The following MEP1B variants were observed in gnomAD, a reference collection of about 807,000 sequenced individuals.
MEP1B encodes the protein N-benzoyl-L-tyrosyl-P-amino-benzoic acid hydrolase subunit beta.
Under a neutral mutation model 84.6 loss-of-function variants are expected in MEP1B, and 80 were observed. The observed-to-expected ratio is 0.95, with a 90% CI of 0.79 to 1.14. The LOEUF is 1.14. MEP1B is among the 50% of genes most tolerant of loss of function. The probability of loss-of-function intolerance (pLI) is 0.00; values close to 1 mark genes in which losing one functional copy is unlikely to be tolerated. For synonymous variants in MEP1B, 273 were observed against 288.1 expected, an observed-to-expected ratio of 0.95 and a Z score of 0.53; for missense variants, 766 against 855.1, an observed-to-expected ratio of 0.90 and a Z score of 1.30.
rs1485615651 is a variant in MEP1B at position 32,202,968 on chromosome 18, G to A, written c.326G>A (p.Trp109Ter). The change falls in exon 6 of 15, where the codon TGG (tryptophan) becomes TAG (stop). Residue 109 changes from tryptophan (W) to a stop codon, truncating the protein, a stop_gained. Coordinates refer to ENST00000269202, the MANE Select transcript of MEP1B (RefSeq NM_005925.3). LOFTEE classifies it high-confidence loss of function. ...RLKTCIDFKP[W>*]AGETNYISVF... Reference sequence around the variant, plus strand: ...AAAACATGTATTGACTTTAAGCCTTGGGCTGGAGAAACAAACTATATATCA... The same window carrying A: ...AAAACATGTATTGACTTTAAGCCTTAGGCTGGAGAAACAAACTATATATCA... 1 of 1,612,318 alleles carries A rather than the reference G, an allele frequency of 6.2e-7. No individual in the cohort carries two copies. Among genetic ancestry groups the A allele is most frequent in the Admixed American group, 1.7e-5 (1 of 59,874 alleles).
chr18:32,191,475 T>C (rs900608771), intron 1 of MEP1B, among the ~76,000 whole-genome samples: 3 of 152,032 alleles, frequency 2.0e-5, no homozygotes, highest in Admixed American at 6.5e-5. Flanking sequence ...TTTTCAAACA[T>C]TGCTCCATGA....
chr18:32,218,322 T>C (rs2041115319), intron 14 of MEP1B, among the ~76,000 whole-genome samples: 1 of 152,156 alleles, frequency 6.6e-6, no homozygotes, highest in African/African-American at 2.4e-5. Flanking sequence ...CAAGTGTTTT[T>C]GTTCTAAAGG....
At chr18:32,207,126 CTG>C (rs2040973351) in intron 7 of MEP1B, 124 bp from the exon 8 acceptor site, 2 of 622,100 alleles carry the variant, frequency 3.2e-6, no homozygotes, top group Non-Finnish European at 5.7e-6. Flanking sequence ...AATAATGAAA[CTG>C]TTGTTAGTTG....
At chr18:32,212,181 C>A (rs934950077) in intron 10 of MEP1B, among the ~76,000 whole-genome samples, 1 of 151,490 alleles carries the variant, frequency 6.6e-6, no homozygotes, top group Non-Finnish European at 1.5e-5. Flanking sequence ...TTGTCCAGGA[C>A]TGGAAGGGGG....
rs1218827487 is a variant in MEP1B, at chr18:32,210,623, A to T, written c.1042A>T (p.Ser348Cys). ...FQCLQFYLYN[S>C]GSESDQLNIY... ...GTGCCTGCAATTTTACTTATATAAC[A>T]GTGGCAGTGAAAGTGATCAACTGAA... Residue 348 changes from serine (S) to cysteine (C), a missense_variant, in exon 10 of 15, where the codon AGT (serine) becomes TGT (cysteine). Transcript: ENST00000269202. 2.5e-6 allele frequency: 4 copies of T among 1,613,872 alleles called. No individual in the cohort carries two copies. Among genetic ancestry groups the T allele is most frequent in the Non-Finnish European group, 3.4e-6 (4 of 1,179,884 alleles).
chr18:32,210,381 T>C (rs544562119), intron 9 of MEP1B, 120 bp from the exon 10 acceptor site: 4 of 800,002 alleles, frequency 5.0e-6, no homozygotes, highest in Admixed American at 5.7e-5. Context: ...CATTTCTCCC[T>C]GGCGATTTAT....
chr18:32,213,726 G>C (rs1244470132), intron 11 of MEP1B, among the ~76,000 whole-genome samples, 167 bp downstream of exon 11: 2 of 152,166 alleles, frequency 1.3e-5, no homozygotes, highest in Non-Finnish European at 2.9e-5. Context: ...GACTGAGTCT[G>C]TCAGACAGGA....
chr18:32,210,658 C>G lies in MEP1B; in HGVS notation c.1077C>G (p.Ile359Met). The G allele has an allele frequency of 1.9e-6, 3 of 1,613,942 alleles. No individual in the cohort carries two copies. Among genetic ancestry groups the G allele is most frequent in the Non-Finnish European group, 2.5e-6 (3 of 1,179,866 alleles). Residue 359 changes from isoleucine (I) to methionine (M), a missense_variant, in exon 10 of 15, where the codon ATC becomes ATG. Transcript: ENST00000269202. Reference sequence around the variant, plus strand: ...AAAGTGATCAACTGAACATCTATATCAGGGAGTATTCTGCAGACAATGTGG... The same window carrying G: ...AAAGTGATCAACTGAACATCTATATGAGGGAGTATTCTGCAGACAATGTGG... ...GSESDQLNIY[I>M]REYSADNVDG...
chr18:32,220,307 G>A lies in MEP1B; in HGVS notation c.*62G>A, dbSNP rs926380388. ...AAAAGGATTCTTCATCATGGATTTC[G>A]CCTAAGTGATATTACAGCCACCTCA... On this transcript the variant is annotated 3_prime_UTR_variant, in exon 15 of 15. Coordinates refer to ENST00000269202, the MANE Select transcript of MEP1B (RefSeq NM_005925.3). 17 of 1,507,080 alleles carry A rather than the reference G, an allele frequency of 1.1e-5. No homozygotes were observed. Among genetic ancestry groups the A allele is most frequent in the African/African-American group, 1.4e-5 (1 of 72,692 alleles). The allele number at this position is 1,507,080 out of a possible 1,614,324, so 93.4% of individuals were successfully genotyped here.
intron 5 of MEP1B, among the ~76,000 whole-genome samples, chr18:32,199,966 T>C (rs546322914): frequency 6.6e-6 from 1 of 152,254 alleles, no homozygotes; most frequent in African/African-American, 2.4e-5. Context: ...AAAAAACTTA[T>C]TCTCCTAAGT....
chr18:32,210,845 T>C (rs2041019538), intron 10 of MEP1B, 129 bp downstream of exon 10: 2 of 733,122 alleles, frequency 2.7e-6, no homozygotes, highest in East Asian at 5.3e-5. Flanking sequence ...AGAACTAGAT[T>C]CTTGTTTTAA....
rs368810973 is a variant in MEP1B, at chr18:32,207,416, C to T, written c.712C>T (p.Arg238Ter). 6.0e-5 allele frequency: 97 copies of T among 1,613,100 alleles called. No homozygotes were observed. The highest frequency in any genetic ancestry group is 7.3e-5 in the Non-Finnish European group (86 of 1,179,612). The change falls in exon 8 of 15, where the codon CGA (arginine) becomes TGA (stop). Residue 238 changes from arginine (R) to a stop codon, truncating the protein, a stop_gained. Coordinates refer to ENST00000269202, the MANE Select transcript of MEP1B (RefSeq NM_005925.3). LOFTEE classifies it high-confidence loss of function. ...ISDFEDVIGQ[R>*]MDFSDSDLLK... ...AGACTTTGAGGATGTGATCGGCCAA[C>T]GAATGGATTTCAGTGACTCTGATCT... is the stretch of plus-strand genomic sequence containing the variant.
intron 4 of MEP1B, among the ~76,000 whole-genome samples, chr18:32,193,939 C>T (rs756074890): frequency 6.4e-4 from 97 of 152,102 alleles, no homozygotes; most frequent in Non-Finnish European, 1.2e-3. Flanking sequence ...CTGGTCTATC[C>T]AAGCACTAAT....
At chr18:32,202,814 G>A in intron 5 of MEP1B, 79 bp from the exon 6 acceptor site, 6 of 810,186 alleles carry the variant, frequency 7.4e-6, no homozygotes, top group South Asian at 4.7e-5. Context: ...GCAATATATT[G>A]CAGTGGCCTG....
chr18:32,206,490 C>T (rs976697234), intron 7 of MEP1B, among the ~76,000 whole-genome samples: 2 of 148,686 alleles, frequency 1.3e-5, no homozygotes, highest in East Asian at 4.0e-4. Context: ...AGTGCAGTGG[C>T]GTGATCACAG....
rs2041069727 is a variant in MEP1B, at chr18:32,215,178, C to T, written c.1676C>T (p.Thr559Ile). Residue 559 changes from threonine (T) to isoleucine (I), a missense_variant, in exon 12 of 15, where the codon ACC becomes ATC. Coordinates refer to ENST00000269202, the MANE Select transcript of MEP1B (RefSeq NM_005925.3). Reference protein sequence around the residue: ...TQFRRGGGYGTSAFITHERLK... With the variant: ...TQFRRGGGYGISAFITHERLK... ...TTTAGAAGAGGTGGGGGCTATGGAA[C>T]CAGTGCCTTTATAACCCACGAAAGG... 2 of 1,612,156 alleles carry T rather than the reference C, an allele frequency of 1.2e-6. No individual in the cohort carries two copies. Among genetic ancestry groups the T allele is most frequent in the African/African-American group, 1.3e-5 (1 of 74,834 alleles).
At chr18:32,211,787 A>G (rs2041030630) in intron 10 of MEP1B, among the ~76,000 whole-genome samples, 1 of 152,116 alleles carries the variant, frequency 6.6e-6, no homozygotes, top group Admixed American at 6.6e-5. Flanking sequence ...ATTACTGTCT[A>G]TTCCACCTAA....
At chr18:32,190,284 C>CA (rs2040789575) in intron 1 of MEP1B, 151 bp downstream of exon 1, 1 of 171,138 alleles carries the variant, frequency 5.8e-6, no homozygotes, top group Non-Finnish European at 1.2e-5. Flanking sequence ...TAGGGGTGGG[C>CA]AGTGTGTAGG....
chr18:32,199,921 C>T (rs915179811), intron 5 of MEP1B, among the ~76,000 whole-genome samples: 15 of 152,140 alleles, frequency 9.9e-5, no homozygotes, highest in African/African-American at 2.2e-4. Flanking sequence ...GGATTACAGG[C>T]GTGAGCCACC....
Sources: gnomAD v4.1 joint callset for allele counts (sites outside exome capture counted in the v4.1 genomes callset) on GRCh38, gnomAD v4.1.1 for gene constraint, MANE v1.5 for transcripts, NCBI Gene and HGNC (gene_info 2026-07-23, HGNC 2026-07-21) for gene names.